The following FBN2 variants were observed in gnomAD, a reference collection of about 807,000 sequenced individuals.
The protein encoded by FBN2 is fibrillin-2.
FBN2 carries 105 observed loss-of-function variants against 355.6 expected under a neutral mutation model. The observed-to-expected ratio is 0.30, with a 90% CI of 0.25 to 0.35. The LOEUF (loss-of-function observed/expected upper bound fraction) is 0.35. FBN2 is among the 10% of genes least tolerant of loss of function. The probability of loss-of-function intolerance (pLI) is 1.00; values close to 1 mark genes in which losing one functional copy is unlikely to be tolerated. For missense variants in FBN2, 3,280 were observed against 3,758.7 expected, an observed-to-expected ratio of 0.87 and a Z score of 3.33; for synonymous variants, 1,350 against 1,301.2, an observed-to-expected ratio of 1.04 and a Z score of -0.81.
At chr5:128,464,969 A>C in intron 5 of FBN2, 48 bp from the exon 6 acceptor site, 1 of 1,554,924 alleles carries the variant, frequency 6.4e-7, no homozygotes, top group Non-Finnish European at 8.9e-7. Context: ...ATCATATACT[A>C]ATCTTATACC....
At chr5:128,400,058 A>ATAGGC (rs1198870783) in intron 8 of FBN2, among the ~76,000 whole-genome samples, 1 of 152,060 alleles carries the variant, frequency 6.6e-6, no homozygotes, top group African/African-American at 2.4e-5. Flanking sequence ...AAAAATAGAT[A>ATAGGC]TAGGCTGTTT....
chr5:128,373,518 T>C (rs1752002359), intron 15 of FBN2, among the ~76,000 whole-genome samples: 2 of 152,168 alleles, frequency 1.3e-5, no homozygotes, highest in African/African-American at 4.8e-5. Context: ...TTCTCATAGG[T>C]AGGAGTAAAG....
At chr5:128,336,148 A>G (rs745475038) in intron 27 of FBN2, 35 bp from the exon 28 acceptor site, 3 of 1,607,110 alleles carry the variant, frequency 1.9e-6, no homozygotes, top group South Asian at 1.1e-5. Flanking sequence ...GCTTTACACA[A>G]TGTCCACTCA....
intron 5 of FBN2, among the ~76,000 whole-genome samples, chr5:128,481,261 C>G (rs1425890025): frequency 6.6e-6 from 1 of 152,140 alleles, no homozygotes; most frequent in African/African-American, 2.4e-5. Flanking sequence ...GTTCTGTGGT[C>G]TGTAAAAGAC....
intron 7 of FBN2, among the ~76,000 whole-genome samples, chr5:128,413,350 G>T (rs1753117150): frequency 6.6e-6 from 1 of 152,144 alleles, no homozygotes; most frequent in African/African-American, 2.4e-5. Flanking sequence ...GTCTGGGAAG[G>T]AAGGATCATG....
At chr5:128,288,754 C>A (rs556899134) in intron 52 of FBN2, among the ~76,000 whole-genome samples, 197 bp from the exon 53 acceptor site, 2 of 152,262 alleles carry the variant, frequency 1.3e-5, no homozygotes, top group Admixed American at 6.5e-5. Context: ...ATGCTCTGGC[C>A]CCCAGGCAGC....
chr5:128,510,821 A>G (rs1756093890), intron 5 of FBN2, among the ~76,000 whole-genome samples: 1 of 152,170 alleles, frequency 6.6e-6, no homozygotes. Context: ...ATATAGTTCT[A>G]AAGAGTGGAA....
intron 2 of FBN2, among the ~76,000 whole-genome samples, chr5:128,532,480 A>G (rs1317517441): frequency 6.6e-6 from 1 of 152,168 alleles, no homozygotes; most frequent in Non-Finnish European, 1.5e-5. Context: ...ATTTCTCTCT[A>G]TAACCATAAT....
intron 11 of FBN2, among the ~76,000 whole-genome samples, chr5:128,391,710 C>T (rs1752516174): frequency 6.6e-6 from 1 of 152,040 alleles, no homozygotes; most frequent in Admixed American, 6.6e-5. Flanking sequence ...AAAATATATT[C>T]ATTGTTACAT....
rs5871304 is a variant in FBN2, at chr5:128,351,224, GA to G, written c.2675-220del. Among the ~76,000 whole-genome samples the G allele has an allele frequency of 0.77, 110,713 of 142,868 alleles. 42,756 individuals are homozygous for G. Among genetic ancestry groups the G allele is most frequent in the East Asian group, 0.92 (4,495 of 4,866 alleles). 93.7% of individuals were successfully genotyped at this position (142,868 alleles called of 152,430 possible). On this transcript the variant is annotated intron_variant, in intron 20 of 64. Coordinates refer to ENST00000262464, the MANE Select transcript of FBN2 (RefSeq NM_001999.4). ...TAGCAAAACCCCATCTCCACCAGAG[GA>G]AAAAAAAAAAAAAGAATACTTTAAA... is the stretch of plus-strand genomic sequence containing the variant.
At chr5:128,274,732 T>C in intron 59 of FBN2, 49 bp from the exon 60 acceptor site, 1 of 1,132,016 alleles carries the variant, frequency 8.8e-7, no homozygotes, top group Non-Finnish European at 1.4e-6. Context: ...TATCTGGCTA[T>C]GTTTCCTTTC....
chr5:128,492,803 CAAAAAAAAA>C lies in FBN2; in HGVS notation c.628+26461_628+26469del, dbSNP rs578258680. Among the ~76,000 whole-genome samples the C allele has an allele frequency of 5.1e-3, 222 of 43,786 alleles. 1 individual carries two copies. The highest frequency in any genetic ancestry group is 0.028 in the Middle Eastern group (1 of 36). 28.7% of individuals were successfully genotyped at this position (43,786 alleles called of 152,430 possible). ...GAGCAACAAGAGCGAAACTCCATCT[CAAAAAAAAA>C]AAAAAAAAAAAAAAAAAGGGAAGAA... On this transcript the variant is annotated intron_variant, in intron 5 of 64. Transcript: ENST00000262464.
At chr5:128,414,598 G>C (rs895178567) in intron 7 of FBN2, among the ~76,000 whole-genome samples, 1 of 151,924 alleles carries the variant, frequency 6.6e-6, no homozygotes, top group African/African-American at 2.4e-5. Flanking sequence ...GAACATTCAG[G>C]TATTCATTTT....
chr5:128,277,947 G>C lies in FBN2; in HGVS notation c.7404C>G (p.Thr2468=). ...TGCAGAAGCATCGGAATGAGCCCAT[G>C]GTATTGATGCACTGACCATTGGTGC... ...NLCTNGQCIN[T]MGSFRCFCKV... is the part of the protein sequence containing the mutation. Residue 2468 remains threonine (T), a synonymous_variant, in exon 58 of 65, where the codon ACC becomes ACG. Coordinates refer to ENST00000262464, the MANE Select transcript of FBN2 (RefSeq NM_001999.4). 6.2e-7 allele frequency: 1 copy of C among 1,613,886 alleles called. No individual in the cohort carries two copies.
intron 34 of FBN2, among the ~76,000 whole-genome samples, chr5:128,320,859 A>G (rs1460172781): frequency 6.6e-6 from 1 of 152,198 alleles, no homozygotes; most frequent in Admixed American, 6.5e-5. Flanking sequence ...CTTTATGCTA[A>G]AGTTGAAATG....
At chr5:128,265,088 G>A (rs181288434) in intron 62 of FBN2, among the ~76,000 whole-genome samples, 3 of 152,094 alleles carry the variant, frequency 2.0e-5, no homozygotes, top group Admixed American at 6.5e-5. Flanking sequence ...ACGTAGATAC[G>A]ATAAATAAAT....
chr5:128,512,224 A>G (rs1212115440), intron 5 of FBN2, among the ~76,000 whole-genome samples: 2 of 152,200 alleles, frequency 1.3e-5, no homozygotes, highest in African/African-American at 2.4e-5. Context: ...CTAAGACAGC[A>G]TATCAGGCCA....
intron 31 of FBN2, 57 bp from the exon 32 acceptor site, chr5:128,333,091 T>G: frequency 6.8e-7 from 1 of 1,470,652 alleles, no homozygotes; most frequent in Non-Finnish European, 9.5e-7. Context: ...TAATTCTACT[T>G]CCAAGTATAT....
At chr5:128,272,967 A>G (rs1765303567) in intron 61 of FBN2, among the ~76,000 whole-genome samples, 1 of 152,206 alleles carries the variant, frequency 6.6e-6, no homozygotes, top group Admixed American at 6.5e-5. Flanking sequence ...TTCTTTGCTG[A>G]AAATGAGATA....
Sources: allele counts gnomAD v4.1 joint callset (sites outside exome capture counted in the v4.1 genomes callset), GRCh38; gene constraint gnomAD v4.1.1; transcripts MANE v1.5; gene names NCBI Gene and HGNC (gene_info 2026-07-23, HGNC 2026-07-21).